The following DLGAP2 variants were observed in gnomAD, a reference collection of about 807,000 sequenced individuals.
The protein encoded by DLGAP2 is disks large-associated protein 2.
A neutral mutation model predicts 100.3 loss-of-function variants in DLGAP2; 26 were observed. The ratio of observed to expected loss-of-function variants is 0.26; its 90% CI spans 0.19 to 0.36. DLGAP2 has a LOEUF of 0.36. DLGAP2 is among the 10% of genes least tolerant of loss of function. The pLI, the probability that DLGAP2 is intolerant of heterozygous loss-of-function variation, is 1.00. For missense variants in DLGAP2, 1,858 were observed against 1,453.2 expected, an observed-to-expected ratio of 1.28 and a Z score of -4.53; for synonymous variants, 886 against 630.1, an observed-to-expected ratio of 1.41 and a Z score of -6.08.
At chr8:1,038,093 T>C (rs1802188234) in intron 2 of DLGAP2, among the ~76,000 whole-genome samples, 1 of 152,174 alleles carries the variant, frequency 6.6e-6, no homozygotes. Context: ...AGGTAGGCTG[T>C]GTGTGTTAAG....
chr8:1,411,422 G>C lies in DLGAP2; in HGVS notation c.107-89944G>C, dbSNP rs570314393. Among the ~76,000 whole-genome samples the C allele has an allele frequency of 3.9e-5, 6 of 152,350 alleles. No individual in the cohort carries two copies. The South Asian group carries it at 1.0e-3, about 26-fold the overall frequency. On this transcript the variant is annotated intron_variant, in intron 3 of 14. Transcript: ENST00000637795. ...AAAGCACGAAGGACTTGACCCCTGA[G>C]CCAGGCGGTCCTAGCTGGCCTTTGG...
rs1221669000 is a variant in DLGAP2 at position 1,149,231 on chromosome 8, CG to C, written c.74-109619del. 3.9e-5 allele frequency among the ~76,000 whole-genome samples: 6 copies of C among 152,194 alleles called. No individual in the cohort carries two copies. The East Asian group carries it at 9.7e-4, about 25-fold the overall frequency. On this transcript the variant is annotated intron_variant, in intron 2 of 14. Transcript: ENST00000637795. ...CGCAATGTCGGCTCACTGCAAGCTC[CG>C]CCTTCTGGGTTCACGCCATTCTCCC...
intron 3 of DLGAP2, among the ~76,000 whole-genome samples, chr8:1,285,791 A>G (rs2116957977): frequency 6.6e-6 from 1 of 152,260 alleles, no homozygotes; most frequent in East Asian, 1.9e-4. Flanking sequence ...CAACATAGCT[A>G]GACTTCTTCT....
chr8:1,269,699 C>T (rs867137528), intron 3 of DLGAP2, among the ~76,000 whole-genome samples: 4 of 152,008 alleles, frequency 2.6e-5, no homozygotes, highest in African/African-American at 9.7e-5. Flanking sequence ...GACTGTGCAC[C>T]CCCCTCCCCC....
chr8:1,446,195 G>T (rs1399715386), intron 3 of DLGAP2, among the ~76,000 whole-genome samples: 3 of 151,972 alleles, frequency 2.0e-5, no homozygotes, highest in African/African-American at 7.3e-5. Context: ...GTATTGCCTA[G>T]GTTTTCTTCT....
chr8:1,017,565 G>GACCAGGACAGACGGCGCCTCCACTGTGTA (rs1563146477), intron 2 of DLGAP2, among the ~76,000 whole-genome samples: 2 of 75,944 alleles, frequency 2.6e-5, no homozygotes, highest in Middle Eastern at 6.5e-3. Flanking sequence ...CACTGTGTGT[G>GACCAGGACAGACGGCGCCTCCACTGTGTA]TGACCAGGAC....
chr8:1,440,951 A>G (rs543913424), intron 3 of DLGAP2, among the ~76,000 whole-genome samples: 1 of 152,336 alleles, frequency 6.6e-6, no homozygotes, highest in Admixed American at 6.5e-5. Context: ...ATTTAATGCA[A>G]AAGCACGTAA....
chr8:938,947 G>A (rs1799134225), intron 2 of DLGAP2, among the ~76,000 whole-genome samples: 1 of 152,266 alleles, frequency 6.6e-6, no homozygotes, highest in South Asian at 2.1e-4. Flanking sequence ...AAGGGCATCT[G>A]TGCTAAGGAG....
At chr8:962,653 C>T (rs1799753829) in intron 2 of DLGAP2, among the ~76,000 whole-genome samples, 1 of 152,052 alleles carries the variant, frequency 6.6e-6, no homozygotes, top group Admixed American at 6.6e-5. Context: ...AATGGAGAGG[C>T]TCCGCTTGGT....
At chr8:1,098,348 T>A (rs1006138648) in intron 2 of DLGAP2, among the ~76,000 whole-genome samples, 20 of 152,228 alleles carry the variant, frequency 1.3e-4, no homozygotes, top group African/African-American at 4.8e-4. Flanking sequence ...CAATGAATGT[T>A]CACCTTCAAC....
intron 2 of DLGAP2, among the ~76,000 whole-genome samples, chr8:1,020,051 C>T (rs1801585298): frequency 6.6e-6 from 1 of 152,190 alleles, no homozygotes; most frequent in Admixed American, 6.5e-5. Context: ...TAAGTAGATA[C>T]ATGCATTAAA....
intron 3 of DLGAP2, among the ~76,000 whole-genome samples, chr8:1,364,678 G>T (rs564156717): frequency 6.6e-6 from 1 of 152,210 alleles, no homozygotes; most frequent in East Asian, 1.9e-4. Flanking sequence ...GGCAAAGCTC[G>T]ACTGGCAAGG....
chr8:1,558,868 T>C (rs77887963), intron 5 of DLGAP2, among the ~76,000 whole-genome samples: 1 of 65,380 alleles, frequency 1.5e-5, no homozygotes, highest in Non-Finnish European at 4.4e-5. Flanking sequence ...CACATACACA[T>C]ATACGTACTT....
chr8:1,113,153 T>C (rs1019758268), intron 2 of DLGAP2, among the ~76,000 whole-genome samples: 3 of 152,218 alleles, frequency 2.0e-5, no homozygotes, highest in Admixed American at 2.0e-4. Flanking sequence ...CCAGCTTTGT[T>C]CTTTTTGCTT....
chr8:1,383,967 A>G (rs1380646610), intron 3 of DLGAP2, among the ~76,000 whole-genome samples: 1 of 152,110 alleles, frequency 6.6e-6, no homozygotes, highest in Non-Finnish European at 1.5e-5. Flanking sequence ...GAGACCCACA[A>G]ATGCATGTCT....
chr8:1,499,983 T>TGGGGGGG (rs545809513), intron 3 of DLGAP2, among the ~76,000 whole-genome samples: 6 of 17,830 alleles, frequency 3.4e-4, no homozygotes, highest in Admixed American at 6.6e-4. Flanking sequence ...AACACTTGGG[T>TGGGGGGG]GGGGGGGGTG....
chr8:1,076,595 T>A lies in DLGAP2; in HGVS notation c.73+168629T>A, dbSNP rs73670429. 2.1e-3 allele frequency among the ~76,000 whole-genome samples: 322 copies of A among 152,334 alleles called. 1 individual carries two copies. Among genetic ancestry groups the A allele is most frequent in the Middle Eastern group, 0.014 (4 of 294 alleles). On this transcript the variant is annotated intron_variant, in intron 2 of 14. Transcript: ENST00000637795. ...CTCTTGAGCCGCCTTCCGTTTTCAC[T>A]TGTGAATGACGTTAGAAACTTTGCG...
At position 1,540,794 on chromosome 8, in the gene DLGAP2, A is replaced by T. The variant is rs975523953; in HGVS notation, c.173-7832A>T. 2.0e-5 allele frequency among the ~76,000 whole-genome samples: 3 copies of T among 152,258 alleles called. No homozygotes were observed. In the South Asian group the frequency reaches 6.2e-4, roughly 31 times the overall value. ...GAAATATGAAATATGGCAACCATAC[A>T]ACCATTTCTGGATAATACAGTTCCA... On this transcript the variant is annotated intron_variant, in intron 4 of 14. Coordinates refer to ENST00000637795, the MANE Select transcript of DLGAP2 (RefSeq NM_001346810.2).
chr8:1,581,596 ACAGT>A (rs1210167174), intron 6 of DLGAP2, among the ~76,000 whole-genome samples: 2 of 152,076 alleles, frequency 1.3e-5, no homozygotes, highest in Admixed American at 6.6e-5. Flanking sequence ...TACACACACC[ACAGT>A]CAAACTACCA....
Sources: allele counts gnomAD v4.1 joint callset (sites outside exome capture counted in the v4.1 genomes callset), GRCh38; gene constraint gnomAD v4.1.1; transcripts MANE v1.5; gene names NCBI Gene and HGNC (gene_info 2026-07-23, HGNC 2026-07-21).